Variants in NCAM2 observed in about 807,000 individuals in gnomAD.
The protein encoded by NCAM2 is N-CAM-2.
In NCAM2, 30 loss-of-function variants were observed where a neutral mutation model predicts 98.1. The observed-to-expected ratio is 0.31, with a 90% CI of 0.23 to 0.41. The LOEUF is 0.41. Among genes scored for constraint, NCAM2 ranks in the 10% least tolerant of loss-of-function variants. The pLI, the probability that NCAM2 is intolerant of heterozygous loss-of-function variation, is 1.00. For synonymous variants in NCAM2, 368 were observed against 342.4 expected, an observed-to-expected ratio of 1.07 and a Z score of -0.83; for missense variants, 867 against 1,005.8, an observed-to-expected ratio of 0.86 and a Z score of 1.87.
chr21:21,021,177 T>A (rs1471840251), intron 1 of NCAM2, among the ~76,000 whole-genome samples: 1 of 151,122 alleles, frequency 6.6e-6, no homozygotes, highest in African/African-American at 2.5e-5. Flanking sequence ...TCTTTTTCTA[T>A]GGATCATTTT....
At chr21:21,508,273 C>T (rs368712111) in intron 15 of NCAM2, among the ~76,000 whole-genome samples, 1 of 152,014 alleles carries the variant, frequency 6.6e-6, no homozygotes, top group African/African-American at 2.4e-5. Context: ...ACAGGTGATC[C>T]ATTTCTTGCC....
intron 1 of NCAM2, among the ~76,000 whole-genome samples, chr21:21,013,781 CAAA>C (rs58879508): frequency 0.52 from 72,519 of 140,062 alleles, 18,034 homozygotes; most frequent in East Asian, 0.76. Context: ...AACTGCATCT[CAAA>C]AAAAAAAAAA....
At chr21:21,284,946 C>T (rs1377443803) in intron 3 of NCAM2, among the ~76,000 whole-genome samples, 1 of 151,610 alleles carries the variant, frequency 6.6e-6, no homozygotes, top group African/African-American at 2.4e-5. Flanking sequence ...GGATTTCTTC[C>T]TATGTTCCTT....
At position 21,272,508 on chromosome 21, in the gene NCAM2, G is replaced by A. The variant is rs544724320; in HGVS notation, c.56-8070G>A. On this transcript the variant is annotated intron_variant, in intron 1 of 17. Transcript: ENST00000400546. ...CACATACACACACATGCGCGCGCGC[G>A]CACACACACACACACACACACACAC... Among the ~76,000 whole-genome samples, 81 of 149,598 alleles carry A rather than the reference G, an allele frequency of 5.4e-4. No individual in the cohort carries two copies. The South Asian group carries it at 0.012, about 22-fold the overall frequency.
chr21:21,333,594 T>G (rs1205983837), intron 6 of NCAM2, among the ~76,000 whole-genome samples: 2 of 152,200 alleles, frequency 1.3e-5, no homozygotes, highest in Admixed American at 6.5e-5. Flanking sequence ...ACATTGGAAC[T>G]TAATTAACCT....
chr21:21,237,877 T>G (rs1411572596), intron 1 of NCAM2, among the ~76,000 whole-genome samples: 2 of 144,056 alleles, frequency 1.4e-5, no homozygotes, highest in Non-Finnish European at 3.0e-5. Flanking sequence ...TTGCATATAC[T>G]AAAAAAAAAA....
intron 6 of NCAM2, among the ~76,000 whole-genome samples, chr21:21,328,263 T>C (rs1054656756): frequency 1.3e-5 from 2 of 152,200 alleles, no homozygotes; most frequent in Non-Finnish European, 2.9e-5. Context: ...TATAAAAGCA[T>C]ATACATATTT....
chr21:21,475,536 A>G (rs1450494160), intron 14 of NCAM2, among the ~76,000 whole-genome samples: 1 of 152,170 alleles, frequency 6.6e-6, no homozygotes, highest in African/African-American at 2.4e-5. Flanking sequence ...TGCCCTAAGC[A>G]TTTCAAAATT....
chr21:21,483,422 G>C (rs1986070454), intron 15 of NCAM2, among the ~76,000 whole-genome samples: 2 of 151,990 alleles, frequency 1.3e-5, no homozygotes, highest in African/African-American at 4.8e-5. Flanking sequence ...CAGTTACTTT[G>C]TATTTTCATG....
intron 8 of NCAM2, among the ~76,000 whole-genome samples, chr21:21,346,935 C>G (rs904242862): frequency 6.6e-6 from 1 of 151,556 alleles, no homozygotes; most frequent in Admixed American, 6.6e-5. Flanking sequence ...GGAAAAACTT[C>G]AAATATGCAA....
chr21:21,257,945 T>G (rs968167953), intron 1 of NCAM2, among the ~76,000 whole-genome samples: 3 of 152,204 alleles, frequency 2.0e-5, no homozygotes, highest in Non-Finnish European at 4.4e-5. Context: ...GAGATCCACA[T>G]ATGTAGGCTT....
At chr21:21,362,186 GT>G (rs1226008216) in intron 8 of NCAM2, among the ~76,000 whole-genome samples, 1 of 151,932 alleles carries the variant, frequency 6.6e-6, no homozygotes, top group Non-Finnish European at 1.5e-5. Flanking sequence ...ACAACAGTGA[GT>G]TCTTAATGCA....
chr21:21,327,306 C>CAAAAAAAAAAAAAAAA (rs11384559), intron 6 of NCAM2, among the ~76,000 whole-genome samples: 3 of 82,182 alleles, frequency 3.7e-5, no homozygotes, highest in Admixed American at 1.6e-4. Context: ...GACTCTGTCT[C>CAAAAAAAAAAAAAAAA]AAAAAAAAAA....
chr21:21,058,213 A>G, intron 1 of NCAM2, among the ~76,000 whole-genome samples: 1 of 37,492 alleles, frequency 2.7e-5, no homozygotes, highest in East Asian at 9.0e-4. Flanking sequence ...GGGCAAAGAA[A>G]AAAAACAAGA....
At chr21:21,066,927 G>A (rs891050153) in intron 1 of NCAM2, among the ~76,000 whole-genome samples, 5 of 151,858 alleles carry the variant, frequency 3.3e-5, no homozygotes, top group Non-Finnish European at 5.9e-5. Flanking sequence ...TAACTGTAGC[G>A]TGTGTTAGAG....
chr21:21,148,491 C>G (rs1193104296), intron 1 of NCAM2, among the ~76,000 whole-genome samples: 1 of 152,138 alleles, frequency 6.6e-6, no homozygotes, highest in Non-Finnish European at 1.5e-5. Flanking sequence ...GAAGAAGATA[C>G]TGTTAAAGTG....
intron 1 of NCAM2, among the ~76,000 whole-genome samples, chr21:21,201,546 A>G (rs2069221263): frequency 6.6e-6 from 1 of 152,228 alleles, no homozygotes; most frequent in Non-Finnish European, 1.5e-5. Flanking sequence ...AAAGAAAAGT[A>G]TTATCCAGAA....
intron 15 of NCAM2, among the ~76,000 whole-genome samples, chr21:21,498,194 A>G (rs1428279653): frequency 6.6e-6 from 1 of 152,140 alleles, no homozygotes; most frequent in Admixed American, 6.6e-5. Flanking sequence ...AACTGGCCAC[A>G]CACAATCCAT....
chr21:21,215,135 A>T (rs2069839275), intron 1 of NCAM2, among the ~76,000 whole-genome samples: 1 of 152,110 alleles, frequency 6.6e-6, no homozygotes, highest in Non-Finnish European at 1.5e-5. Flanking sequence ...TAATGGAAAT[A>T]TGGTGCTGTA....
Sources: gnomAD v4.1 joint callset for allele counts (sites outside exome capture counted in the v4.1 genomes callset) on GRCh38, gnomAD v4.1.1 for gene constraint, MANE v1.5 for transcripts, NCBI Gene and HGNC (gene_info 2026-07-23, HGNC 2026-07-21) for gene names.